Variants in CTNNB1 observed in about 807,000 individuals in gnomAD.
CTNNB1 encodes the protein catenin beta 1, also known as catenin beta-1.
In CTNNB1, 6 loss-of-function variants were observed where a neutral mutation model predicts 82.5. That is an observed-to-expected ratio of 0.07 (90% CI 0.04 to 0.14). The LOEUF (loss-of-function observed/expected upper bound fraction) is 0.14. CTNNB1 is among the 10% of genes least tolerant of loss of function. CTNNB1 has a pLI of 1.00. For missense variants in CTNNB1, 529 were observed against 980.4 expected (o/e 0.54, Z 6.15); for synonymous variants, 312 against 329.7 (o/e 0.95, Z 0.58).
At chr3:41,224,463 T>C in intron 2 of CTNNB1, 63 bp from the exon 3 acceptor site, 1 of 1,329,540 alleles carries the variant, frequency 7.5e-7, no homozygotes, top group East Asian at 2.5e-5. Flanking sequence ...TCACAGATTC[T>C]TTTTTTTTAA....
intron 1 of CTNNB1, among the ~76,000 whole-genome samples, chr3:41,209,753 C>T (rs2077735031): frequency 6.6e-6 from 1 of 151,986 alleles, no homozygotes; most frequent in Non-Finnish European, 1.5e-5. Flanking sequence ...AGAAAAAGTA[C>T]AGTAAAAAAT....
Position 41,225,644 on chromosome 3 carries a change from T to G in CTNNB1, c.735-16T>G. ...TACTCACAATATTTCTGATGAGGCTTTTTTCTTCTTCCCAGTTCACCAGTG... is the reference window on the plus strand; with the variant it reads ...TACTCACAATATTTCTGATGAGGCTGTTTTCTTCTTCCCAGTTCACCAGTG... On this transcript the variant is annotated splice_polypyrimidine_tract_variant and intron_variant, in intron 5 of 14. Transcript: ENST00000349496. This position sits in a 1 kb window ranked among gnomAD's most constrained non-coding sequence, Gnocchi z 5.3. 6.2e-7 allele frequency: 1 copy of G among 1,614,122 alleles called. No homozygotes were observed. Among genetic ancestry groups the G allele is most frequent in the South Asian group, 1.1e-5 (1 of 91,088 alleles).
At chr3:41,237,550 T>A (rs77667346) in intron 13 of CTNNB1, 3,304 of 154,870 alleles carry the variant, frequency 0.021, 127 homozygotes, top group African/African-American at 0.077. Flanking sequence ...CTTAACTTTC[T>A]CCACCTACCC....
chr3:41,217,466 A>G (rs937493216), intron 1 of CTNNB1, among the ~76,000 whole-genome samples: 2 of 152,172 alleles, frequency 1.3e-5, no homozygotes, highest in Admixed American at 6.5e-5. Context: ...GGGTGAATAT[A>G]TGTTCCATTT....
Position 41,227,336 on chromosome 3 carries a change from G to A in CTNNB1, c.1065G>A (p.Pro355=), listed in dbSNP as rs200709497. 9.9e-6 allele frequency: 16 copies of A among 1,613,744 alleles called. No homozygotes were observed. In the South Asian group the frequency reaches 1.2e-4, roughly 12 times the overall value. Residue 355 remains proline, a synonymous_variant, in exon 7 of 15, where the codon CCG becomes CCA. Transcript: ENST00000349496. ...TATCTGTCTGCTCTAGTAATAAGCC[G>A]GCTATTGTAGAAGCTGGTAAGTATA... The part of the protein sequence containing the change: ...KVLSVCSSNK[P]AIVEAGGMQA...
chr3:41,229,970 A>G (rs901807928), intron 7 of CTNNB1, among the ~76,000 whole-genome samples: 6 of 152,128 alleles, frequency 3.9e-5, no homozygotes, highest in East Asian at 1.9e-4. Context: ...CCACCTAACA[A>G]CATTTACTCA....
intron 1 of CTNNB1, among the ~76,000 whole-genome samples, chr3:41,216,775 G>A (rs1321821758): frequency 6.6e-6 from 1 of 152,170 alleles, no homozygotes; most frequent in East Asian, 1.9e-4. Flanking sequence ...TTCTGCAAAT[G>A]TATGCAAAAA....
At chr3:41,220,382 ACC>A (rs2078017682) in intron 1 of CTNNB1, among the ~76,000 whole-genome samples, 1 of 146,556 alleles carries the variant, frequency 6.8e-6, no homozygotes, top group African/African-American at 2.5e-5. Flanking sequence ...GAACACACAC[ACC>A]CACACCCACA....
chr3:41,227,190 A>C lies in CTNNB1; in HGVS notation c.937-18A>C. 4.4e-6 allele frequency: 7 copies of C among 1,589,314 alleles called. No homozygotes were observed. Among genetic ancestry groups the C allele is most frequent in the Non-Finnish European group, 6.0e-6 (7 of 1,158,098 alleles). ...CAAGATTCCTTGACTAACAAGATAT[A>C]TATATATATCTTTCTAGCTCATCAT... is the stretch of plus-strand genomic sequence containing the variant. On this transcript the variant is annotated intron_variant, in intron 6 of 14. Transcript: ENST00000349496.
chr3:41,216,231 AG>A (rs2077914553), intron 1 of CTNNB1, among the ~76,000 whole-genome samples: 1 of 152,346 alleles, frequency 6.6e-6, no homozygotes, highest in African/African-American at 2.4e-5. Flanking sequence ...TGAAGTTGCT[AG>A]GAATTTAATT....
In CTNNB1 at chr3:41,224,636, A is replaced by G. The variant is rs980491821; in HGVS notation, c.124A>G (p.Thr42Ala). Residue 42 changes from threonine to alanine, a missense_variant, in exon 3 of 15, where the codon ACA (threonine) becomes GCA (alanine). Physicochemically the swap from Thr to Ala is moderately conservative, Grantham distance 58. Around this residue, in one of 4 missense-constraint regions of CTNNB1, gnomAD observed 411 missense variants for 776.4 expected, o/e 0.53. Transcript: ENST00000349496. ...DSGIHSGATT[T>A]APSLSGKGNP... The stretch of plus-strand genomic sequence containing the variant: ...TGGAATCCATTCTGGTGCCACTACC[A>G]CAGCTCCTTCTCTGAGTGGTAAAGG... 5 of 1,613,954 alleles carry G rather than the reference A, an allele frequency of 3.1e-6. No individual in the cohort carries two copies. Among genetic ancestry groups the G allele is most frequent in the Non-Finnish European group, 4.2e-6 (5 of 1,179,956 alleles).
chr3:41,228,354 C>CT (rs530485010), intron 7 of CTNNB1, among the ~76,000 whole-genome samples: 14 of 152,134 alleles, frequency 9.2e-5, no homozygotes, highest in Non-Finnish European at 2.1e-4. Context: ...TAAGCATTCT[C>CT]TTTTCTCAGC....
At chr3:41,227,877 T>C (rs2078214798) in intron 7 of CTNNB1, among the ~76,000 whole-genome samples, 1 of 152,110 alleles carries the variant, frequency 6.6e-6, no homozygotes, top group Non-Finnish European at 1.5e-5. Context: ...GTTCTTTACC[T>C]CCCACCCGTA....
At chr3:41,215,686 G>T (rs549263571) in intron 1 of CTNNB1, among the ~76,000 whole-genome samples, 9 of 152,074 alleles carry the variant, frequency 5.9e-5, no homozygotes, top group Non-Finnish European at 1.3e-4. Flanking sequence ...CTTACAACAC[G>T]TCGAGTAGAG....
intron 1 of CTNNB1, chr3:41,221,637 T>C (rs930893009): frequency 2.6e-5 from 4 of 152,196 alleles, no homozygotes; most frequent in African/African-American, 9.6e-5. Context: ...CTGGCTTGTT[T>C]ACCTAAACAT....
At chr3:41,219,458 G>A (rs1030052798) in intron 1 of CTNNB1, among the ~76,000 whole-genome samples, 3 of 152,224 alleles carry the variant, frequency 2.0e-5, no homozygotes, top group African/African-American at 7.2e-5. Context: ...TATGTATACT[G>A]TATACATGTA....
At chr3:41,216,292 T>A (rs180759631) in intron 1 of CTNNB1, among the ~76,000 whole-genome samples, 11 of 152,192 alleles carry the variant, frequency 7.2e-5, no homozygotes, top group Non-Finnish European at 2.9e-5. Context: ...GTTTAGCTGA[T>A]ACCACAAGGC....
chr3:41,215,600 G>C (rs2077898924), intron 1 of CTNNB1, among the ~76,000 whole-genome samples: 2 of 152,100 alleles, frequency 1.3e-5, no homozygotes, highest in African/African-American at 4.8e-5. Context: ...AGCCCTCACA[G>C]AGTTCACTTC....
Position 41,229,876 on chromosome 3 carries a change from CTGTGTGTGTGTGTGTGTG to C in CTNNB1, c.1081+2538_1081+2555del, listed in dbSNP as rs58153157. Among the ~76,000 whole-genome samples, 5 of 147,230 alleles carry C rather than the reference CTGTGTGTGTGTGTGTGTG, an allele frequency of 3.4e-5. No individual in the cohort carries two copies. In the South Asian group the frequency reaches 1.1e-3, roughly 32 times the overall value. On this transcript the variant is annotated intron_variant, in intron 7 of 14. Transcript: ENST00000349496. ...GGTTTGTACTAGGGCCTCTTGGGTT[CTGTGTGTGTGTGTGTGTG>C]TGTGTGTGTGTGTCATGAAAACAGT...
Sources: gnomAD v4.1 joint callset for allele counts (sites outside exome capture counted in the v4.1 genomes callset) on GRCh38, gnomAD v4.1.1 for gene constraint, gnomAD v4.1.1 regional missense constraint, Gnocchi (gnomAD v3.1) non-coding constraint, MANE v1.5 for transcripts, NCBI Gene and HGNC (gene_info 2026-07-23, HGNC 2026-07-21) for gene names.